Variants in SLC12A3 observed in about 807,000 individuals in gnomAD.
SLC12A3 encodes solute carrier family 12 member 3.
SLC12A3 carries 104 observed loss-of-function variants against 121.0 expected under a neutral mutation model. The observed-to-expected ratio is 0.86, with a 90% CI of 0.73 to 1.01. The LOEUF (loss-of-function observed/expected upper bound fraction) is 1.01. SLC12A3 is among the 50% of genes least tolerant of loss of function. The probability of loss-of-function intolerance (pLI) is 0.00; values close to 1 mark genes in which losing one functional copy is unlikely to be tolerated. For synonymous variants in SLC12A3, 536 were observed against 533.4 expected (o/e 1.00, Z -0.07); for missense variants, 1,328 against 1,356.3 (o/e 0.98, Z 0.33).
Position 56,913,231 on chromosome 16 carries a change from A to G in SLC12A3, c.2925-33A>G, listed in dbSNP as rs1567452700. 3 of 1,613,884 alleles carry G rather than the reference A, an allele frequency of 1.9e-6. No individual in the cohort carries two copies. Among genetic ancestry groups the G allele is most frequent in the South Asian group, 2.2e-5 (2 of 91,080 alleles). ...GGGCGTGTGGAGCGGCCCCGTGGTA[A>G]TCTCTCTTCTACCACTTTTTCATGC... On this transcript the variant is annotated intron_variant, in intron 25 of 25. Transcript: ENST00000563236.
intron 24 of SLC12A3, among the ~76,000 whole-genome samples, chr16:56,903,431 C>T (rs2055565787): frequency 6.6e-6 from 1 of 152,184 alleles, no homozygotes; most frequent in Non-Finnish European, 1.5e-5. Flanking sequence ...GGAGCTTACC[C>T]CCTGGGGGAC....
intron 8 of SLC12A3, 32 bp from the exon 9 acceptor site, chr16:56,878,045 T>TCCCCCCCCCCCCCCCCCCC: frequency 1.5e-5 from 5 of 339,198 alleles, no homozygotes; most frequent in South Asian, 7.0e-5. Context: ...TCTCCCTCCC[T>TCCCCCCCCCCCCCCCCCCC]CCCTCCCTCC....
At chr16:56,870,064 T>C (rs1567426986) in intron 4 of SLC12A3, 32 bp from the exon 5 acceptor site, 1 of 1,610,068 alleles carries the variant, frequency 6.2e-7, no homozygotes, top group South Asian at 1.1e-5. Flanking sequence ...CCGACTCATC[T>C]GGTTTCATGG....
Position 56,886,467 on chromosome 16 carries a change from G to T in SLC12A3, c.2029G>T (p.Val677Leu). The T allele has an allele frequency of 6.2e-7, 1 of 1,613,276 alleles. No homozygotes were observed. The change falls in exon 16 of 26, where the codon GTG becomes TTG. Residue 677 changes from valine (V) to leucine (L), a missense_variant. By Grantham distance (32) the Val-to-Leu change is conservative (BLOSUM62 1). Transcript: ENST00000563236. ...RNLSLMICGH[V>L]LIGPHKQRMP... Reference sequence around the variant, plus strand: ...CCTCAGCCTGATGATCTGTGGCCACGTGCTCATCGTGAGTGGCCCCTGGAG... The same window carrying T: ...CCTCAGCCTGATGATCTGTGGCCACTTGCTCATCGTGAGTGGCCCCTGGAG...
chr16:56,897,661 T>C (rs1475502352), intron 22 of SLC12A3, among the ~76,000 whole-genome samples: 1 of 152,232 alleles, frequency 6.6e-6, no homozygotes, highest in East Asian at 1.9e-4. Flanking sequence ...CTCCCTGTCC[T>C]GGCTCTGAAT....
Position 56,913,288 on chromosome 16 carries a change from G to A in SLC12A3, c.2949G>A (p.Gly983=). Residue 983 remains glycine, a synonymous_variant, in exon 26 of 26, where the codon GGG becomes GGA. Coordinates refer to ENST00000563236, the MANE Select transcript of SLC12A3 (RefSeq NM_001126108.2). ...IVITLPIGRK[G]KCPSSLYMAW... ...GCACTTTGCCCATAGGGAGGAAGGG[G>A]AAGTGCCCCAGCTCGCTGTACATGG... 1 of 1,614,198 alleles carries A rather than the reference G, an allele frequency of 6.2e-7. No homozygotes were observed. Among genetic ancestry groups the A allele is most frequent in the South Asian group, 1.1e-5 (1 of 91,078 alleles).
chr16:56,887,074 G>C lies in SLC12A3; in HGVS notation c.2159G>C (p.Gly720Ala). The change falls in exon 17 of 26, where the codon GGC (glycine) becomes GCC (alanine). Residue 720 changes from glycine to alanine, a missense_variant. Physicochemically the swap from Gly to Ala is moderately conservative, Grantham distance 60. Transcript: ENST00000563236. Reference sequence around the variant, plus strand: ...GTCATTGCCGAGGACCTCCGCAGAGGCGTCCAGATCCTCATGCAGGTGCCA... The same window carrying C: ...GTCATTGCCGAGGACCTCCGCAGAGCCGTCCAGATCCTCATGCAGGTGCCA... ...SDVIAEDLRRGVQILMQAAGL... is the reference protein window; with the variant it reads ...SDVIAEDLRRAVQILMQAAGL... 6.2e-7 allele frequency: 1 copy of C among 1,614,006 alleles called. No homozygotes were observed. Among genetic ancestry groups the C allele is most frequent in the Non-Finnish European group, 8.5e-7 (1 of 1,180,036 alleles).
chr16:56,909,146 GTCATTAAAATGAC>G (rs1392400372), intron 25 of SLC12A3, among the ~76,000 whole-genome samples: 10 of 151,942 alleles, frequency 6.6e-5, no homozygotes, highest in African/African-American at 1.2e-4. Flanking sequence ...GCATTTATTT[GTCATTAAAATGAC>G]TCATTAAAAT....
chr16:56,892,909 G>T, intron 20 of SLC12A3, 44 bp from the exon 21 acceptor site: 2 of 1,534,780 alleles, frequency 1.3e-6, no homozygotes, highest in Non-Finnish European at 1.8e-6. Context: ...CTGCCTGGAT[G>T]CGCGGCTGCT....
rs751725614 is a variant in SLC12A3, at chr16:56,870,644, G to T, written c.760G>T (p.Val254Leu). The change falls in exon 6 of 26, where the codon GTG becomes TTG. Residue 254 changes from valine to leucine, a missense_variant. Coordinates refer to ENST00000563236, the MANE Select transcript of SLC12A3 (RefSeq NM_001126108.2). ...DLLQEYGAPI[V>L]DPINDIRIIA... ...TCCCCAGGAGTATGGGGCACCCATC[G>T]TGGACCCCATTAACGACATCCGCAT... 6.2e-7 allele frequency: 1 copy of T among 1,612,042 alleles called. No individual in the cohort carries two copies. Among genetic ancestry groups the T allele is most frequent in the South Asian group, 1.1e-5 (1 of 91,030 alleles).
chr16:56,865,470 C>A lies in SLC12A3; in HGVS notation c.235C>A (p.Pro79Thr). 6.2e-7 allele frequency: 1 copy of A among 1,613,946 alleles called. No homozygotes were observed. The highest frequency in any genetic ancestry group is 8.5e-7 in the Non-Finnish European group (1 of 1,180,030). Residue 79 changes from proline (P) to threonine (T), a missense_variant, in exon 1 of 26, where the codon CCC becomes ACC. Physicochemically the swap from Pro to Thr is conservative, Grantham distance 38. Coordinates refer to ENST00000563236, the MANE Select transcript of SLC12A3 (RefSeq NM_001126108.2). The part of the protein sequence containing the change: ...HYANSTQPGE[P>T]RKVRPTLADL... Reference sequence around the variant, plus strand: ...TGCCAACAGCACCCAGCCTGGTGAGCCCCGGAAGGTCCGGCCCACACTGGC... The same window carrying A: ...TGCCAACAGCACCCAGCCTGGTGAGACCCGGAAGGTCCGGCCCACACTGGC...
intron 2 of SLC12A3, 118 bp from the exon 3 acceptor site, chr16:56,868,179 G>A (rs1164543497): frequency 3.3e-6 from 3 of 917,924 alleles, no homozygotes; most frequent in Non-Finnish European, 5.2e-6. Context: ...GGTGAAGAAG[G>A]GACCCAGGTG....
At chr16:56,874,745 C>A (rs1344506906) in intron 8 of SLC12A3, among the ~76,000 whole-genome samples, 2 of 152,204 alleles carry the variant, frequency 1.3e-5, no homozygotes, top group Non-Finnish European at 2.9e-5. Flanking sequence ...GCGGAGGTTG[C>A]AGTGAGCCAA....
chr16:56,880,247 A>G lies in SLC12A3; in HGVS notation c.1561A>G (p.Ile521Val), dbSNP rs147046379. ...LAYAIAVAFI[I>V]IAELNTIAPI... ...CTACGCCATCGCTGTGGCCTTCATC[A>G]TCATCGGTAAGGCTCTGCCAGGGCT... The change falls in exon 12 of 26, where the codon ATC becomes GTC. Residue 521 changes from isoleucine (I) to valine (V), a missense_variant. Ile to Val is a conservative substitution (Grantham distance 29, BLOSUM62 3). Coordinates refer to ENST00000563236, the MANE Select transcript of SLC12A3 (RefSeq NM_001126108.2). 4.4e-4 allele frequency: 693 copies of G among 1,579,678 alleles called. No homozygotes were observed. In the African/African-American group the frequency reaches 5.5e-3, roughly 13 times the overall value.
At chr16:56,888,549 A>ATT (rs749206626) in intron 18 of SLC12A3, among the ~76,000 whole-genome samples, 8,789 of 85,792 alleles carry the variant, frequency 0.1, 1,531 homozygotes, top group Non-Finnish European at 0.11. Flanking sequence ...AGATCTTTTA[A>ATT]TTTTTTTTTT....
In SLC12A3 at chr16:56,902,391, C is replaced by A. The variant is rs2055549479; in HGVS notation, c.2739C>A (p.Asp913Glu). 1 of 1,614,048 alleles carries A rather than the reference C, an allele frequency of 6.2e-7. No homozygotes were observed. Residue 913 changes from aspartate to glutamate, a missense_variant, in exon 24 of 26, where the codon GAC (aspartate) becomes GAA (glutamate). Asp to Glu is a conservative substitution (Grantham distance 45). Coordinates refer to ENST00000563236, the MANE Select transcript of SLC12A3 (RefSeq NM_001126108.2). ...TCCCCAGCACCAAGAGGTTTGAGGA[C>A]ATGATTGCACCCTTCCGTCTGAATG... ...PRAEHTKRFE[D>E]MIAPFRLNDG...
chr16:56,872,604 G>A, intron 7 of SLC12A3, 52 bp from the exon 8 acceptor site: 1 of 1,613,552 alleles, frequency 6.2e-7, no homozygotes, highest in South Asian at 1.1e-5. Context: ...GTCCCAGCAA[G>A]GGGGGTCAAG....
At chr16:56,883,279 C>CTTTTTTT (rs71152216) in intron 13 of SLC12A3, among the ~76,000 whole-genome samples, 3 of 119,550 alleles carry the variant, frequency 2.5e-5, no homozygotes, top group Non-Finnish European at 3.4e-5. Context: ...CTTTTTCTTT[C>CTTTTTTT]TTTTTTTTTT....
intron 12 of SLC12A3, among the ~76,000 whole-genome samples, chr16:56,881,240 C>T (rs2055236329): frequency 6.6e-6 from 1 of 152,204 alleles, no homozygotes; most frequent in Non-Finnish European, 1.5e-5. Context: ...GAGATTTGCC[C>T]TGATAGCCTA....
Sources: allele counts gnomAD v4.1 joint callset (sites outside exome capture counted in the v4.1 genomes callset), GRCh38; gene constraint gnomAD v4.1.1; transcripts MANE v1.5; gene names NCBI Gene and HGNC (gene_info 2026-07-23, HGNC 2026-07-21).